Variants in LGALS13 observed in about 807,000 individuals in gnomAD.
LGALS13 encodes galactoside-binding soluble lectin 13.
LGALS13 carries 11 observed loss-of-function variants against 13.2 expected under a neutral mutation model. That is an observed-to-expected ratio of 0.83 (90% CI 0.52 to 1.38). LGALS13 has a LOEUF of 1.38. Among genes scored for constraint, LGALS13 ranks in the 40% most tolerant of loss-of-function variants. The pLI is 0.00. For synonymous variants in LGALS13, 71 were observed against 63.7 expected (o/e 1.11, Z -0.54); for missense variants, 183 against 174.3 (o/e 1.05, Z -0.28).
intron 1 of LGALS13, among the ~76,000 whole-genome samples, chr19:39,603,106 T>C (rs1249496980): frequency 1.3e-5 from 2 of 152,200 alleles, no homozygotes; most frequent in South Asian, 2.1e-4. Flanking sequence ...CATGTGAATG[T>C]TTCTCCCCAC....
chr19:39,602,969 G>A (rs1464592537), intron 1 of LGALS13, among the ~76,000 whole-genome samples: 2 of 152,184 alleles, frequency 1.3e-5, no homozygotes, highest in Non-Finnish European at 2.9e-5. Context: ...CAGTGCATGA[G>A]CATCGTTATG....
At position 39,607,388 on chromosome 19, in the gene LGALS13, A is replaced by C; in HGVS notation, c.*49A>C. 8.1e-7 allele frequency: 1 copy of C among 1,234,816 alleles called. No homozygotes were observed. The highest frequency in any genetic ancestry group is 1.2e-6 in the Non-Finnish European group (1 of 833,952). The allele number at this position is 1,234,816 out of a possible 1,614,324, so 76.5% of individuals were successfully genotyped here. ...GTTGAGGAATCCCTCTTTCTACCTG[A>C]CCATGGGATTCCCAGAACCTGCTAA... On this transcript the variant is annotated 3_prime_UTR_variant, in exon 4 of 4. Coordinates refer to ENST00000221797, the MANE Select transcript of LGALS13 (RefSeq NM_013268.3).
intron 1 of LGALS13, chr19:39,603,824 C>A: frequency 1.9e-6 from 1 of 539,504 alleles, no homozygotes; most frequent in Non-Finnish European, 2.4e-6. Context: ...TGCATGTCAG[C>A]CTGGGTGACA....
chr19:39,605,410 A>G, intron 3 of LGALS13, 22 bp downstream of exon 3: 30 of 1,602,244 alleles, frequency 1.9e-5, no homozygotes, highest in Non-Finnish European at 2.6e-5. Flanking sequence ...AGGAGCTCCC[A>G]GCACCCAGGC....
rs149284936 is a variant in LGALS13 at position 39,607,230 on chromosome 19, T to C, written c.311T>C (p.Val104Ala). 602 of 1,613,588 alleles carry C rather than the reference T, an allele frequency of 3.7e-4. No homozygotes were observed. The highest frequency in any genetic ancestry group is 4.8e-4 in the Non-Finnish European group (563 of 1,179,528). The change falls in exon 4 of 4, where the codon GTC (valine) becomes GCC (alanine). Residue 104 changes from valine to alanine, a missense_variant. Coordinates refer to ENST00000221797, the MANE Select transcript of LGALS13 (RefSeq NM_013268.3). ...GCATTTTTCCTCTTGTAGATAAAGG[T>C]CAATGGCATACGCATTTACGGCTTT... ...YVHYNEYEIK[V>A]NGIRIYGFVH...
Position 39,607,237 on chromosome 19 carries a change from C to A in LGALS13, c.318C>A (p.Gly106=), listed in dbSNP as rs771401998. 1.8e-5 allele frequency: 29 copies of A among 1,613,702 alleles called. No individual in the cohort carries two copies. Among genetic ancestry groups the A allele is most frequent in the Non-Finnish European group, 2.3e-5 (27 of 1,179,632 alleles). The change falls in exon 4 of 4, where the codon GGC becomes GGA. Residue 106 remains glycine (G), a synonymous_variant. Coordinates refer to ENST00000221797, the MANE Select transcript of LGALS13 (RefSeq NM_013268.3). ...HYNEYEIKVN[G]IRIYGFVHRI... Reference sequence around the variant, plus strand: ...TCCTCTTGTAGATAAAGGTCAATGGCATACGCATTTACGGCTTTGTCCATC... The same window carrying A: ...TCCTCTTGTAGATAAAGGTCAATGGAATACGCATTTACGGCTTTGTCCATC...
In LGALS13 at chr19:39,604,035, C is replaced by T. The variant is rs114847800; in HGVS notation, c.16-567C>T. 2.4e-3 allele frequency: 2,252 copies of T among 939,074 alleles called. 35 individuals are homozygous for T. The African/African-American group carries it at 0.029, about 12-fold the overall frequency. The allele number at this position is 939,074 out of a possible 1,614,324, so 58.2% of individuals were successfully genotyped here. On this transcript the variant is annotated intron_variant, in intron 1 of 3. Transcript: ENST00000221797. ...ATGATAGTGATGCATGTGCATCCCACACACAGGGGTTTCCTGTTCTTTCAT... is the reference window on the plus strand; with the variant it reads ...ATGATAGTGATGCATGTGCATCCCATACACAGGGGTTTCCTGTTCTTTCAT...
intron 2 of LGALS13, 71 bp from the exon 3 acceptor site, chr19:39,605,107 T>TTG: frequency 1.6e-6 from 2 of 1,256,036 alleles, no homozygotes; most frequent in Non-Finnish European, 2.3e-6. Flanking sequence ...GGGAAGGGAT[T>TTG]TGTGTGTGTG....
At chr19:39,607,167 G>T (rs1257115348) in intron 3 of LGALS13, 56 bp from the exon 4 acceptor site, 1 of 1,238,448 alleles carries the variant, frequency 8.1e-7, no homozygotes, top group African/African-American at 1.5e-5. Flanking sequence ...GTGGAGAGGA[G>T]GCCGAAAACT....
chr19:39,604,981 T>C, intron 2 of LGALS13, 197 bp from the exon 3 acceptor site: 1 of 677,734 alleles, frequency 1.5e-6, no homozygotes, highest in South Asian at 1.7e-5. Flanking sequence ...GGCTCAGTTT[T>C]CATCTGGGGA....
In LGALS13 at chr19:39,607,299, C is replaced by G. The variant is rs748246666; in HGVS notation, c.380C>G (p.Ser127Trp). 1 of 1,613,848 alleles carries G rather than the reference C, an allele frequency of 6.2e-7. No homozygotes were observed. The highest frequency in any genetic ancestry group is 8.5e-7 in the Non-Finnish European group (1 of 1,179,792). ...TCATTTGTGAAGATGGTGCAAGTGTCGAGAGATATCTCCCTGACCTCAGTG... is the reference window on the plus strand; with the variant it reads ...TCATTTGTGAAGATGGTGCAAGTGTGGAGAGATATCTCCCTGACCTCAGTG... ...PPSFVKMVQV[S>W]RDISLTSVCV... Residue 127 changes from serine (S) to tryptophan (W), a missense_variant, in exon 4 of 4, where the codon TCG (serine) becomes TGG (tryptophan). Transcript: ENST00000221797.
chr19:39,602,769 C>T (rs1972621603), intron 1 of LGALS13, among the ~76,000 whole-genome samples, 186 bp downstream of exon 1: 1 of 152,092 alleles, frequency 6.6e-6, no homozygotes. Context: ...CGGTGTGGAC[C>T]CTGGACCAGT....
At chr19:39,604,308 C>T (rs1367548601) in intron 1 of LGALS13, among the ~76,000 whole-genome samples, 2 of 152,028 alleles carry the variant, frequency 1.3e-5, no homozygotes, top group Admixed American at 6.6e-5. Flanking sequence ...CCTGATAATC[C>T]TCGTTGTCCT....
At position 39,607,456 on chromosome 19, in the gene LGALS13, A is replaced by G; in HGVS notation, c.*117A>G. The G allele has an allele frequency of 2.7e-6, 2 of 753,558 alleles. No homozygotes were observed. The allele number at this position is 753,558 out of a possible 1,614,324, so 46.7% of individuals were successfully genotyped here. A position where few individuals can be genotyped will look rare whatever the true frequency, so the allele number is the denominator to read the frequency against. ...ACATTTTCCCCTACACTTTGTCATT[A>G]AAACAGCACGAAAACTCACATGATT... On this transcript the variant is annotated 3_prime_UTR_variant, in exon 4 of 4. Transcript: ENST00000221797.
intron 2 of LGALS13, 196 bp from the exon 3 acceptor site, chr19:39,604,982 C>T (rs1972660767): frequency 2.9e-6 from 2 of 678,636 alleles, no homozygotes; most frequent in Admixed American, 2.1e-5. Context: ...GCTCAGTTTT[C>T]ATCTGGGGAT....
intron 2 of LGALS13, 75 bp downstream of exon 2, chr19:39,604,753 G>T: frequency 6.4e-7 from 1 of 1,559,536 alleles, no homozygotes; most frequent in Non-Finnish European, 8.8e-7. Context: ...CTTACATGTG[G>T]GTGATGTGGA....
rs1972655436 is a variant in LGALS13, at chr19:39,604,679, G to A, written c.92+1G>A. ...AAGGGACACCAATCCACTCTTTTAT[G>A]TGAGTACTCCATGGTCCAATGGAGG... On this transcript the variant is annotated splice_donor_variant, in intron 2 of 3. Coordinates refer to ENST00000221797, the MANE Select transcript of LGALS13 (RefSeq NM_013268.3). LOFTEE classifies it high-confidence loss of function. 3 of 1,613,990 alleles carry A rather than the reference G, an allele frequency of 1.9e-6. No homozygotes were observed. The highest frequency in any genetic ancestry group is 2.5e-6 in the Non-Finnish European group (3 of 1,179,990).
Position 39,604,696 on chromosome 19 carries a change from C to T in LGALS13, c.92+18C>T. The T allele has an allele frequency of 1.2e-6, 2 of 1,613,336 alleles. No individual in the cohort carries two copies. The highest frequency in any genetic ancestry group is 1.1e-5 in the South Asian group (1 of 91,062). On this transcript the variant is annotated intron_variant, in intron 2 of 3. Coordinates refer to ENST00000221797, the MANE Select transcript of LGALS13 (RefSeq NM_013268.3). ...TCTTTTATGTGAGTACTCCATGGTC[C>T]AATGGAGGGGTTGGAGAAGAAGGGA...
At chr19:39,603,637 G>A (rs752047899) in intron 1 of LGALS13, among the ~76,000 whole-genome samples, 1 of 151,998 alleles carries the variant, frequency 6.6e-6, no homozygotes, top group Non-Finnish European at 1.5e-5. Flanking sequence ...GGATAACGAG[G>A]CCAGAAGTTT....
Sources: allele counts gnomAD v4.1 joint callset (sites outside exome capture counted in the v4.1 genomes callset), GRCh38; gene constraint gnomAD v4.1.1; transcripts MANE v1.5; gene names NCBI Gene and HGNC (gene_info 2026-07-23, HGNC 2026-07-21).